Variants in AZIN1 observed in about 807,000 individuals in gnomAD.
AZIN1 encodes the protein ornithine decarboxylase antizyme inhibitor.
AZIN1 carries 12 observed loss-of-function variants against 47.4 expected under a neutral mutation model. The ratio of observed to expected loss-of-function variants is 0.25; its 90% confidence interval spans 0.16 to 0.41. AZIN1 has a LOEUF of 0.41. Ranked by LOEUF, AZIN1 falls within the 10% of genes least tolerant of loss-of-function variation. The probability of loss-of-function intolerance (pLI) is 1.00; values close to 1 mark genes in which losing one functional copy is unlikely to be tolerated. For missense variants in AZIN1, 410 were observed against 532.4 expected (o/e 0.77, Z 2.26); for synonymous variants, 155 against 176.3 (o/e 0.88, Z 0.96).
At chr8:102,839,336 C>G (rs1199169983) in intron 4 of AZIN1, among the ~76,000 whole-genome samples, 2 of 152,104 alleles carry the variant, frequency 1.3e-5, no homozygotes, top group Admixed American at 1.3e-4. Context: ...AAAAGAAGCA[C>G]CAAAGAAATC....
intron 9 of AZIN1, 134 bp downstream of exon 9, chr8:102,832,922 G>A: frequency 1.3e-6 from 1 of 749,694 alleles, no homozygotes; most frequent in Non-Finnish European, 2.1e-6. Context: ...TTATAGGCGT[G>A]AGCCACCACG....
Position 102,833,058 on chromosome 8 carries a change from C to G in AZIN1, c.902G>C (p.Gly301Ala). Residue 301 changes from glycine (G) to alanine (A), a missense_variant and splice_region_variant, in exon 9 of 12, where the codon GGA (glycine) becomes GCA (alanine). Gly to Ala is a moderately conservative substitution (Grantham distance 60, BLOSUM62 0). This residue lies in a region of AZIN1 where 168 missense variants were observed against 198.3 expected (regional missense o/e 0.85). Coordinates refer to ENST00000337198, the MANE Select transcript of AZIN1 (RefSeq NM_148174.4). ...AAACTATAAACTTTATAACTTACCT[C>G]CAGAGGGAAATTTATCATTTTCAAC... ...KVVENDKFPSGVEKTGSDEPA... is the reference protein window; with the variant it reads ...KVVENDKFPSAVEKTGSDEPA... The G allele has an allele frequency of 6.2e-7, 1 of 1,607,254 alleles. No homozygotes were observed. Among genetic ancestry groups the G allele is most frequent in the South Asian group, 1.1e-5 (1 of 90,774 alleles).
Position 102,826,485 on chromosome 8 carries a change from T to C in AZIN1, c.*2082A>G, listed in dbSNP as rs762969956. ...CTTTTGAACTGAGATTACAATATTA[T>C]AACAAAAAACTTTACATTAATTCAG... is the stretch of plus-strand genomic sequence containing the variant. On this transcript the variant is annotated 3_prime_UTR_variant, in exon 12 of 12. Transcript: ENST00000337198. 2.6e-5 allele frequency: 4 copies of C among 152,666 alleles called. No individual in the cohort carries two copies. Among genetic ancestry groups the C allele is most frequent in the Non-Finnish European group, 5.9e-5 (4 of 68,040 alleles). 9.5% of individuals were successfully genotyped at this position (152,666 alleles called of 1,614,324 possible).
chr8:102,843,368 T>C (rs991678926), intron 3 of AZIN1, among the ~76,000 whole-genome samples, 183 bp downstream of exon 3: 3 of 152,128 alleles, frequency 2.0e-5, no homozygotes, highest in African/African-American at 7.2e-5. Context: ...TTTAAAATAA[T>C]GTGGATTGGA....
intron 1 of AZIN1, among the ~76,000 whole-genome samples, chr8:102,859,768 G>A (rs547472458): frequency 6.6e-6 from 1 of 152,114 alleles, no homozygotes; most frequent in Non-Finnish European, 1.5e-5. Flanking sequence ...CTCAAGAGGC[G>A]GAGGTTGCAG....
Position 102,834,282 on chromosome 8 carries a change from A to AATT in AZIN1, c.667-22_667-20dup. Reference sequence around the variant, plus strand: ...TTTCTCCCTAGAGATGGAAAAAAAAAATTTAAATGTTTTTCCAAATTGTAA... The same window carrying AATT: ...TTTCTCCCTAGAGATGGAAAAAAAAAATTATTTAAATGTTTTTCCAAATTGTAA... On this transcript the variant is annotated intron_variant, in intron 7 of 11. Coordinates refer to ENST00000337198, the MANE Select transcript of AZIN1 (RefSeq NM_148174.4). 6.3e-7 allele frequency: 1 copy of AATT among 1,597,638 alleles called. No individual in the cohort carries two copies. The highest frequency in any genetic ancestry group is 8.5e-7 in the Non-Finnish European group (1 of 1,170,686).
intron 5 of AZIN1, among the ~76,000 whole-genome samples, chr8:102,837,212 G>A (rs1452642660): frequency 1.3e-5 from 2 of 152,132 alleles, no homozygotes; most frequent in African/African-American, 2.4e-5. Flanking sequence ...GAGCTACTGC[G>A]CCCAACCCAG....
Position 102,828,132 on chromosome 8 carries a change from G to A in AZIN1, c.*435C>T, listed in dbSNP as rs3836. ...TTTACACATTCTAAATACACTAAAC[G>A]TTATCTAATGAAGTCACACTGGTCT... On this transcript the variant is annotated 3_prime_UTR_variant, in exon 12 of 12. Transcript: ENST00000337198. The A allele has an allele frequency of 0.046, 7,070 of 153,342 alleles. 258 individuals are homozygous for A. The highest frequency in any genetic ancestry group is 0.17 in the South Asian group (847 of 4,860). The allele number at this position is 153,342 out of a possible 1,614,324, so 9.5% of individuals were successfully genotyped here.
intron 1 of AZIN1, among the ~76,000 whole-genome samples, chr8:102,862,151 CA>C (rs1813713858): frequency 6.6e-6 from 1 of 152,096 alleles, no homozygotes; most frequent in South Asian, 2.1e-4. Context: ...GTTTAGGTTA[CA>C]CAGCTGTATT....
At chr8:102,848,144 C>T (rs946072648) in intron 2 of AZIN1, among the ~76,000 whole-genome samples, 1 of 152,088 alleles carries the variant, frequency 6.6e-6, no homozygotes, top group Admixed American at 6.5e-5. Flanking sequence ...GTAAGCTACA[C>T]CATACAGCTT....
At chr8:102,837,537 T>A (rs1256363953) in intron 5 of AZIN1, among the ~76,000 whole-genome samples, 1 of 152,198 alleles carries the variant, frequency 6.6e-6, no homozygotes. Context: ...GCAAAAATTA[T>A]TCTAAGGTTA....
chr8:102,832,279 A>C (rs1811509823), intron 9 of AZIN1, among the ~76,000 whole-genome samples: 1 of 152,198 alleles, frequency 6.6e-6, no homozygotes, highest in South Asian at 2.1e-4. Flanking sequence ...TATTGGGGAA[A>C]TGGACAACTT....
chr8:102,848,956 C>T (rs1486289681), intron 2 of AZIN1, among the ~76,000 whole-genome samples: 1 of 152,044 alleles, frequency 6.6e-6, no homozygotes, highest in Non-Finnish European at 1.5e-5. Context: ...GTGCATGTTT[C>T]GGGGGTGAGC....
chr8:102,842,187 G>A (rs1471885722), intron 3 of AZIN1, among the ~76,000 whole-genome samples: 1 of 152,026 alleles, frequency 6.6e-6, no homozygotes, highest in African/African-American at 2.4e-5. Flanking sequence ...TCCTAGAGCA[G>A]CAGAGAGTAA....
chr8:102,829,781 A>G (rs1811318197), intron 10 of AZIN1, 40 bp downstream of exon 10: 1 of 1,447,946 alleles, frequency 6.9e-7, no homozygotes, highest in Admixed American at 1.8e-5. Context: ...CTCAGCTTAT[A>G]AAATGCCAAA....
intron 2 of AZIN1, among the ~76,000 whole-genome samples, chr8:102,853,094 G>T (rs1813023060): frequency 6.6e-6 from 1 of 152,258 alleles, no homozygotes; most frequent in African/African-American, 2.4e-5. Context: ...GGAAAACTCT[G>T]AAACAAGATC....
chr8:102,833,126 A>C lies in AZIN1; in HGVS notation c.834T>G (p.Ser278=), dbSNP rs776647521. Residue 278 remains serine, a synonymous_variant, in exon 9 of 12, where the codon TCT becomes TCG. Coordinates refer to ENST00000337198, the MANE Select transcript of AZIN1 (RefSeq NM_148174.4). ...IISEPGSYYV[S]SAFTLAVNII... Reference sequence around the variant, plus strand: ...TATTAACTGCGAGTGTAAATGCAGAAGACACATAGTAGCTTCCGGGTTCTG... The same window carrying C: ...TATTAACTGCGAGTGTAAATGCAGACGACACATAGTAGCTTCCGGGTTCTG... 4 of 1,613,338 alleles carry C rather than the reference A, an allele frequency of 2.5e-6. No individual in the cohort carries two copies. Among genetic ancestry groups the C allele is most frequent in the Non-Finnish European group, 3.4e-6 (4 of 1,179,316 alleles).
chr8:102,842,388 T>C (rs1812259098), intron 3 of AZIN1, among the ~76,000 whole-genome samples: 1 of 151,390 alleles, frequency 6.6e-6, no homozygotes, highest in African/African-American at 2.4e-5. Flanking sequence ...CTGGCCAACA[T>C]GGCAAAACCC....
intron 3 of AZIN1, among the ~76,000 whole-genome samples, chr8:102,842,918 CAAA>C (rs141858677): frequency 6.8e-6 from 1 of 146,776 alleles, no homozygotes; most frequent in Admixed American, 6.8e-5. Context: ...AACAAGCAAG[CAAA>C]AAAAAAGAAT....
Sources: allele counts gnomAD v4.1 joint callset (sites outside exome capture counted in the v4.1 genomes callset), GRCh38; gene constraint gnomAD v4.1.1; regional missense constraint gnomAD v4.1.1; transcripts MANE v1.5; gene names NCBI Gene and HGNC (gene_info 2026-07-23, HGNC 2026-07-21).